CIRBP: variants seen among roughly 807,000 people sequenced by gnomAD.
CIRBP encodes the protein cold-inducible RNA-binding protein.
A neutral mutation model predicts 22.3 loss-of-function variants in CIRBP; 11 were observed. The ratio of observed to expected loss-of-function variants is 0.49; its 90% confidence interval spans 0.31 to 0.82. The LOEUF (loss-of-function observed/expected upper bound fraction) is 0.82. Among genes scored for constraint, CIRBP ranks in the 40% least tolerant of loss-of-function variants. The pLI, the probability that CIRBP is intolerant of heterozygous loss-of-function variation, is 0.05. For missense variants in CIRBP, 456 were observed against 402.7 expected, an observed-to-expected ratio of 1.13 and a Z score of -1.13; for synonymous variants, 216 against 158.8, an observed-to-expected ratio of 1.36 and a Z score of -2.71.
In CIRBP at chr19:1,272,077, G is replaced by A. The variant is rs763431767; in HGVS notation, c.528G>A (p.Thr176=). 2.6e-5 allele frequency: 42 copies of A among 1,613,906 alleles called. No homozygotes were observed. Among genetic ancestry groups the A allele is most frequent in the Non-Finnish European group, 3.3e-5 (39 of 1,179,990 alleles). The change falls in exon 6 of 6, where the codon ACG becomes ACA. Residue 176 remains threonine (T), a synonymous_variant. Coordinates refer to ENST00000587896, the MANE Select transcript of CIRBP (RefSeq NM_001300829.2). ...GTAAGTCACACTCCGAGGGCGCCAC[G>A]CTGCTGTGGCCTGCGGTGGGAGCTC... The part of the protein sequence containing the change: ...SYGKSHSEGA[T]LLWPAVGARF...
At chr19:1,269,819 G>C (rs372843392) in intron 1 of CIRBP, 1 of 517,728 alleles carries the variant, frequency 1.9e-6, no homozygotes, top group Non-Finnish European at 3.9e-6. Flanking sequence ...CAACGCTTTT[G>C]CTTACCGAGC....
chr19:1,270,854 T>C, intron 1 of CIRBP, 74 bp from the exon 2 acceptor site: 1 of 935,176 alleles, frequency 1.1e-6, no homozygotes. Context: ...CACATGTCAT[T>C]TACATAAAAT....
In CIRBP at chr19:1,272,194, G is replaced by A. The variant is rs1206908964; in HGVS notation, c.645G>A (p.Gln215=). 3 of 1,596,658 alleles carry A rather than the reference G, an allele frequency of 1.9e-6. No homozygotes were observed. The highest frequency in any genetic ancestry group is 1.3e-5 in the African/African-American group (1 of 74,808). Reference sequence around the variant, plus strand: ...CAGAAGAGGCGCATCTGTCCTCTCAGAGCCATTTCTATCGCAGGACGCAAA... The same window carrying A: ...CAGAAGAGGCGCATCTGTCCTCTCAAAGCCATTTCTATCGCAGGACGCAAA... ...ACPEEAHLSS[Q]SHFYRRTQKP... The change falls in exon 6 of 6, where the codon CAG becomes CAA. Residue 215 remains glutamine (Q), a synonymous_variant. Coordinates refer to ENST00000587896, the MANE Select transcript of CIRBP (RefSeq NM_001300829.2).
rs770105400 is a variant in CIRBP, at chr19:1,272,144, C to T, written c.595C>T (p.Leu199Phe). ...CTCTCCAAGCACTTTAGGCTGGACA[C>T]TCAGACCTTGTCACTGTGCTTGCCC... Reference protein sequence around the residue: ...VPSPSTLGWTLRPCHCACPEE... With the variant: ...VPSPSTLGWTFRPCHCACPEE... The change falls in exon 6 of 6, where the codon CTC becomes TTC. Residue 199 changes from leucine (L) to phenylalanine (F), a missense_variant. By Grantham distance (22) the Leu-to-Phe change is conservative. Around this residue, in one of 2 missense-constraint regions of CIRBP, gnomAD observed 426 missense variants for 339.6 expected, o/e 1.25. Coordinates refer to ENST00000587896, the MANE Select transcript of CIRBP (RefSeq NM_001300829.2). 4 of 1,612,160 alleles carry T rather than the reference C, an allele frequency of 2.5e-6. No individual in the cohort carries two copies. Among genetic ancestry groups the T allele is most frequent in the South Asian group, 1.1e-5 (1 of 91,000 alleles).
intron 1 of CIRBP, chr19:1,270,278 G>T (rs957270342): frequency 2.7e-6 from 1 of 367,590 alleles, no homozygotes; most frequent in Admixed American, 3.4e-5. Context: ...GCAGAAGCAC[G>T]TTCTGGTCCA....
chr19:1,273,152 T>TA lies in CIRBP; in HGVS notation c.*713dup, dbSNP rs1310853306. On this transcript the variant is annotated 3_prime_UTR_variant, in exon 6 of 6. Coordinates refer to ENST00000587896, the MANE Select transcript of CIRBP (RefSeq NM_001300829.2). ...TTTTCTTTGGCTTTACGAAGCCGAT[T>TA]AAAAGACCGTGTGAAATGAACCTTG... 2 of 152,288 alleles carry TA rather than the reference T, an allele frequency of 1.3e-5. No individual in the cohort carries two copies. Among genetic ancestry groups the TA allele is most frequent in the African/African-American group, 2.4e-5 (1 of 41,464 alleles). The allele number at this position is 152,288 out of a possible 1,614,324, so 9.4% of individuals were successfully genotyped here. A position where few individuals can be genotyped will look rare whatever the true frequency, so the allele number is the denominator to read the frequency against.
intron 1 of CIRBP, 147 bp from the exon 2 acceptor site, chr19:1,270,781 C>G: frequency 1.5e-6 from 1 of 689,564 alleles, no homozygotes; most frequent in South Asian, 1.7e-5. Context: ...AAAATAAGTC[C>G]TAGGTATGAG....
chr19:1,270,336 G>A (rs1414964150), intron 1 of CIRBP: 1 of 354,266 alleles, frequency 2.8e-6, no homozygotes, highest in South Asian at 2.1e-5. Flanking sequence ...GCACCCGTTC[G>A]GAAATAGGAG....
rs2081382191 is a variant in CIRBP, at chr19:1,273,912, C to CA, written c.*1470dup. Reference sequence around the variant, plus strand: ...CGTGCAGCCAGGTGCAGCCTGGGCCCAGTCATGCCTGGCTCATAGATGAAA... The same window carrying CA: ...CGTGCAGCCAGGTGCAGCCTGGGCCCAAGTCATGCCTGGCTCATAGATGAAA... On this transcript the variant is annotated 3_prime_UTR_variant, in exon 6 of 6. Transcript: ENST00000587896. 1 of 177,846 alleles carries CA rather than the reference C, an allele frequency of 5.6e-6. No individual in the cohort carries two copies. The highest frequency in any genetic ancestry group is 2.4e-5 in the African/African-American group (1 of 42,432). 11.0% of individuals were successfully genotyped at this position (177,846 alleles called of 1,614,324 possible).
intron 1 of CIRBP, chr19:1,270,347 A>G (rs551914520): frequency 5.7e-6 from 2 of 353,856 alleles, no homozygotes; most frequent in African/African-American, 4.3e-5. Flanking sequence ...GAAATAGGAG[A>G]ACCTGAGAGT....
Position 1,273,634 on chromosome 19 carries a change from T to C in CIRBP, c.*1191T>C, listed in dbSNP as rs1373194673. The stretch of plus-strand genomic sequence containing the variant: ...AGCTGCAGCCCTCGGAGGACAGAAG[T>C]GTTGTGCGCCCAACAGAACCCTCTG... On this transcript the variant is annotated 3_prime_UTR_variant, in exon 6 of 6. Transcript: ENST00000587896. 2 of 152,136 alleles carry C rather than the reference T, an allele frequency of 1.3e-5. No individual in the cohort carries two copies. Among genetic ancestry groups the C allele is most frequent in the African/African-American group, 4.8e-5 (2 of 41,426 alleles). 9.4% of individuals were successfully genotyped at this position (152,136 alleles called of 1,614,324 possible). A position where few individuals can be genotyped will look rare whatever the true frequency, so the allele number is the denominator to read the frequency against.
rs1600019587 is a variant in CIRBP at position 1,270,775 on chromosome 19, T to C, written c.-6-153T>C. ...CACACTGCCCCCGACCCCAAAAAAATAAGTCCTAGGTATGAGTTTGAGATA... is the reference window on the plus strand; with the variant it reads ...CACACTGCCCCCGACCCCAAAAAAACAAGTCCTAGGTATGAGTTTGAGATA... On this transcript the variant is annotated intron_variant, in intron 1 of 5. Transcript: ENST00000587896. The C allele has an allele frequency of 4.5e-6, 3 of 663,924 alleles. No homozygotes were observed. The Admixed American group carries it at 7.6e-5, about 17-fold the overall frequency. The allele number at this position is 663,924 out of a possible 1,614,324, so 41.1% of individuals were successfully genotyped here.
chr19:1,272,537 C>T lies in CIRBP; in HGVS notation c.*94C>T. On this transcript the variant is annotated 3_prime_UTR_variant, in exon 6 of 6. Coordinates refer to ENST00000587896, the MANE Select transcript of CIRBP (RefSeq NM_001300829.2). ...CGTTAATGTGTAGTAAATGCACCTC[C>T]TTGTATTCCCACTTTCGTAGTCATT... 9.5e-7 allele frequency: 1 copy of T among 1,052,596 alleles called. No individual in the cohort carries two copies. The highest frequency in any genetic ancestry group is 1.6e-5 in the South Asian group (1 of 63,406). 65.2% of individuals were successfully genotyped at this position (1,052,596 alleles called of 1,614,324 possible).
At chr19:1,271,929 G>T (rs1383923071) in intron 5 of CIRBP, 52 bp from the exon 6 acceptor site, 2 of 1,513,882 alleles carry the variant, frequency 1.3e-6, no homozygotes, top group Non-Finnish European at 1.8e-6. Context: ...TGTTGTGGCA[G>T]AGCAGAAGTA....
rs1382859833 is a variant in CIRBP, at chr19:1,272,233, T to C, written c.684T>C (p.Thr228=). 5.6e-6 allele frequency: 9 copies of C among 1,600,442 alleles called. No homozygotes were observed. Among genetic ancestry groups the C allele is most frequent in the Non-Finnish European group, 6.0e-6 (7 of 1,174,130 alleles). The change falls in exon 6 of 6, where the codon ACT becomes ACC. Residue 228 remains threonine (T), a synonymous_variant. Coordinates refer to ENST00000587896, the MANE Select transcript of CIRBP (RefSeq NM_001300829.2). ...FYRRTQKPNE[T]DQKGKGERGP... is the part of the protein sequence containing the mutation. ...GCAGGACGCAAAAGCCAAATGAGAC[T>C]GACCAAAAAGGCAAGGGAGAGCGAG... is the stretch of plus-strand genomic sequence containing the variant.
Position 1,271,263 on chromosome 19 carries a change from T to C in CIRBP, c.210+17T>C, listed in dbSNP as rs748375233. ...AATGGGAAGGTGAGGATCAGGGTGCTGAGCAGGAGTCCCGTCTCGAGGATG... is the reference window on the plus strand; with the variant it reads ...AATGGGAAGGTGAGGATCAGGGTGCCGAGCAGGAGTCCCGTCTCGAGGATG... On this transcript the variant is annotated intron_variant, in intron 3 of 5. Coordinates refer to ENST00000587896, the MANE Select transcript of CIRBP (RefSeq NM_001300829.2). 84 of 1,613,906 alleles carry C rather than the reference T, an allele frequency of 5.2e-5. No homozygotes were observed. The highest frequency in any genetic ancestry group is 1.6e-4 in the Middle Eastern group (1 of 6,084).
intron 1 of CIRBP, among the ~76,000 whole-genome samples, chr19:1,269,662 A>C (rs924979014): frequency 1.3e-5 from 2 of 151,536 alleles, no homozygotes; most frequent in Admixed American, 6.6e-5. Context: ...GGCTGTGCCC[A>C]GCGAAATGGC....
At chr19:1,270,800 A>G (rs1355754149) in intron 1 of CIRBP, 128 bp from the exon 2 acceptor site, 8 of 753,118 alleles carry the variant, frequency 1.1e-5, no homozygotes, top group East Asian at 2.4e-5. Context: ...AGTTTGAGAT[A>G]ATGAAAAATA....
At position 1,272,741 on chromosome 19, in the gene CIRBP, G is replaced by C; in HGVS notation, c.*298G>C. The C allele has an allele frequency of 3.6e-6, 1 of 278,480 alleles. No homozygotes were observed. Among genetic ancestry groups the C allele is most frequent in the Non-Finnish European group, 6.7e-6 (1 of 149,176 alleles). The allele number at this position is 278,480 out of a possible 1,614,324, so 17.3% of individuals were successfully genotyped here. ...TTCAAAAAAATCGGGGGTTGTGTGG[G>C]TTTTTGGTTTTTGTTTTAGTTTTTG... On this transcript the variant is annotated 3_prime_UTR_variant, in exon 6 of 6. Coordinates refer to ENST00000587896, the MANE Select transcript of CIRBP (RefSeq NM_001300829.2).
Sources: gnomAD v4.1 joint callset for allele counts (sites outside exome capture counted in the v4.1 genomes callset) on GRCh38, gnomAD v4.1.1 for gene constraint, gnomAD v4.1.1 regional missense constraint, MANE v1.5 for transcripts, NCBI Gene and HGNC (gene_info 2026-07-23, HGNC 2026-07-21) for gene names.